DNAJC1: variants seen among roughly 807,000 people sequenced by gnomAD.
The protein encoded by DNAJC1 is DnaJ heat shock protein family (Hsp40) member C1, also known as dnaJ homolog subfamily C member 1.
A neutral mutation model predicts 76.6 loss-of-function variants in DNAJC1; 58 were observed. The ratio of observed to expected loss-of-function variants is 0.76; its 90% CI spans 0.61 to 0.94. The LOEUF (loss-of-function observed/expected upper bound fraction) is 0.94, where lower values mean the gene tolerates loss of function less well. DNAJC1 is among the 40% of genes least tolerant of loss of function. The pLI, the probability that DNAJC1 is intolerant of heterozygous loss-of-function variation, is 0.00. For missense variants in DNAJC1, 689 were observed against 677.3 expected, an observed-to-expected ratio of 1.02 and a Z score of -0.19; for synonymous variants, 258 against 267.9, an observed-to-expected ratio of 0.96 and a Z score of 0.36.
chr10:21,888,044 A>G (rs1468419949), intron 7 of DNAJC1, among the ~76,000 whole-genome samples: 1 of 151,486 alleles, frequency 6.6e-6, no homozygotes, highest in Non-Finnish European at 1.5e-5. Context: ...ACAAGAGAAA[A>G]ACAAACAACC....
At chr10:21,884,847 T>C (rs1394064521) in intron 7 of DNAJC1, among the ~76,000 whole-genome samples, 1 of 152,184 alleles carries the variant, frequency 6.6e-6, no homozygotes, top group African/African-American at 2.4e-5. Context: ...CTGCAAGTGA[T>C]GTCTTTTTAA....
intron 1 of DNAJC1, among the ~76,000 whole-genome samples, chr10:21,958,769 AG>A (rs953974366): frequency 6.6e-6 from 1 of 152,002 alleles, no homozygotes; most frequent in African/African-American, 2.4e-5. Flanking sequence ...GGAAGGGATG[AG>A]GTTTTTCTGA....
chr10:21,813,088 C>CATATATATACATATAT (rs1834998177), intron 8 of DNAJC1, among the ~76,000 whole-genome samples: 1 of 76,338 alleles, frequency 1.3e-5, no homozygotes, highest in Non-Finnish European at 2.6e-5. Flanking sequence ...TACATATATA[C>CATATATATACATATAT]ACACACACAT....
In DNAJC1 at chr10:21,918,827, C is replaced by T; in HGVS notation, c.681G>A (p.Leu227=). 6 of 1,613,274 alleles carry T rather than the reference C, an allele frequency of 3.7e-6. No homozygotes were observed. Among genetic ancestry groups the T allele is most frequent in the Non-Finnish European group, 4.2e-6 (5 of 1,179,416 alleles). The stretch of plus-strand genomic sequence containing the variant: ...TTAGTGTAAGGCAAAACCAAATCCC[C>T]AGTTTGCATGGAAGCAAATCATGCC... ...PQWHDLLPCK[L]GIWFCLTLKA... The change falls in exon 6 of 12, where the codon CTG becomes CTA. Residue 227 remains leucine (L), a synonymous_variant. Transcript: ENST00000376980.
At chr10:21,989,531 C>T (rs557757559) in intron 1 of DNAJC1, among the ~76,000 whole-genome samples, 3 of 152,132 alleles carry the variant, frequency 2.0e-5, no homozygotes, top group Non-Finnish European at 4.4e-5. Context: ...ACTGAAAGTA[C>T]TCTACCAAGG....
At chr10:21,786,439 TATATATATATATATATATATATATAG>T (rs1834608578) in intron 9 of DNAJC1, among the ~76,000 whole-genome samples, 1 of 50,126 alleles carries the variant, frequency 2.0e-5, no homozygotes, top group African/African-American at 7.6e-5. Context: ...TATATATATA[TATATATATATATATATATATATATAG>T]AGAGAGAGAG....
chr10:21,960,318 T>C (rs1590068468), intron 1 of DNAJC1, among the ~76,000 whole-genome samples: 1 of 152,078 alleles, frequency 6.6e-6, no homozygotes, highest in South Asian at 2.1e-4. Flanking sequence ...ATCAAAATAG[T>C]ACACCATTTA....
chr10:21,839,051 A>G (rs902875614), intron 8 of DNAJC1, among the ~76,000 whole-genome samples: 3 of 152,232 alleles, frequency 2.0e-5, no homozygotes, highest in Non-Finnish European at 2.9e-5. Context: ...TTTGAAACCA[A>G]TGAGAACAAA....
chr10:21,779,637 G>A (rs2131626889), intron 9 of DNAJC1, among the ~76,000 whole-genome samples: 1 of 152,270 alleles, frequency 6.6e-6, no homozygotes, highest in South Asian at 2.1e-4. Context: ...AAACCACAAA[G>A]ATGGGGAGAA....
At chr10:21,818,845 TTTAC>T (rs1164687091) in intron 8 of DNAJC1, among the ~76,000 whole-genome samples, 2 of 152,234 alleles carry the variant, frequency 1.3e-5, no homozygotes, top group African/African-American at 4.8e-5. Context: ...GCAGTCATTA[TTTAC>T]TTATTTTCTG....
intron 1 of DNAJC1, among the ~76,000 whole-genome samples, chr10:21,998,691 C>T (rs1376821735): frequency 6.6e-6 from 1 of 152,114 alleles, no homozygotes; most frequent in Non-Finnish European, 1.5e-5. Flanking sequence ...AAGACTTCTG[C>T]AACCCCTTTC....
At chr10:21,880,461 T>C (rs979235467) in intron 8 of DNAJC1, among the ~76,000 whole-genome samples, 1 of 152,126 alleles carries the variant, frequency 6.6e-6, no homozygotes, top group Non-Finnish European at 1.5e-5. Context: ...ATGTCTTAAA[T>C]AATAAAACTT....
intron 1 of DNAJC1, among the ~76,000 whole-genome samples, chr10:21,965,713 T>C (rs956358557): frequency 6.6e-6 from 1 of 152,182 alleles, no homozygotes; most frequent in Admixed American, 6.5e-5. Flanking sequence ...CAAACCCTTG[T>C]AGCAGAACAC....
chr10:21,909,791 T>A (rs1345433683), intron 6 of DNAJC1, among the ~76,000 whole-genome samples: 2 of 152,202 alleles, frequency 1.3e-5, no homozygotes, highest in Non-Finnish European at 2.9e-5. Flanking sequence ...GGAGGCCACA[T>A]GTTCCAGATG....
At chr10:21,849,909 A>T (rs547093794) in intron 8 of DNAJC1, among the ~76,000 whole-genome samples, 8 of 152,288 alleles carry the variant, frequency 5.3e-5, no homozygotes, top group Admixed American at 3.9e-4. Context: ...CATTTGACAA[A>T]ATTCAACACC....
chr10:21,811,312 C>A (rs1834961735), intron 8 of DNAJC1, among the ~76,000 whole-genome samples: 1 of 152,154 alleles, frequency 6.6e-6, no homozygotes, highest in Non-Finnish European at 1.5e-5. Flanking sequence ...CTTTTGGGTT[C>A]TGGAGGAAAC....
At chr10:21,779,711 G>A (rs1196243380) in intron 9 of DNAJC1, among the ~76,000 whole-genome samples, 2 of 152,204 alleles carry the variant, frequency 1.3e-5, no homozygotes, top group African/African-American at 4.8e-5. Flanking sequence ...AAGGAACACA[G>A]CTCCTTGCCA....
At chr10:21,894,257 T>C (rs553211126) in intron 7 of DNAJC1, among the ~76,000 whole-genome samples, 15 of 152,332 alleles carry the variant, frequency 9.8e-5, no homozygotes, top group African/African-American at 3.6e-4. Context: ...ATACCAGTGT[T>C]AGACATTCTC....
intron 8 of DNAJC1, among the ~76,000 whole-genome samples, chr10:21,828,489 C>T (rs781642373): frequency 7.2e-5 from 11 of 152,130 alleles, no homozygotes; most frequent in Non-Finnish European, 1.3e-4. Context: ...CTATTGGCAG[C>T]GGGGTGTACT....
Sources: gnomAD v4.1 joint callset for allele counts (sites outside exome capture counted in the v4.1 genomes callset) on GRCh38, gnomAD v4.1.1 for gene constraint, MANE v1.5 for transcripts, NCBI Gene and HGNC (gene_info 2026-07-23, HGNC 2026-07-21) for gene names.